Variants in HDAC9 observed in about 807,000 individuals in gnomAD.
HDAC9 encodes the protein MEF-2 interacting transcription repressor (MITR) protein.
In HDAC9, 41 loss-of-function variants were observed where a neutral mutation model predicts 139.4. The ratio of observed to expected loss-of-function variants is 0.29; its 90% CI spans 0.23 to 0.38. The LOEUF (loss-of-function observed/expected upper bound fraction) is 0.38. Among genes scored for constraint, HDAC9 ranks in the 10% least tolerant of loss-of-function variants. The pLI, the probability that HDAC9 is intolerant of heterozygous loss-of-function variation, is 1.00. For missense variants in HDAC9, 1,147 were observed against 1,297.0 expected, an observed-to-expected ratio of 0.88 and a Z score of 1.78; for synonymous variants, 517 against 476.2, an observed-to-expected ratio of 1.09 and a Z score of -1.12.
chr7:18,191,975 A>G (rs1050384554), intron 2 of HDAC9, among the ~76,000 whole-genome samples: 11 of 152,292 alleles, frequency 7.2e-5, no homozygotes, highest in Middle Eastern at 3.4e-3. Flanking sequence ...TGACGAGAAG[A>G]CATAAACAAG....
At chr7:18,586,243 G>GT (rs1333438828) in intron 3 of HDAC9, among the ~76,000 whole-genome samples, 5 of 151,832 alleles carry the variant, frequency 3.3e-5, no homozygotes, top group Admixed American at 3.3e-4. Context: ...AGATGTGTCT[G>GT]TTTTTTTAAA....
intron 6 of HDAC9, among the ~76,000 whole-genome samples, chr7:18,598,238 T>C (rs1833000244): frequency 6.6e-6 from 1 of 152,186 alleles, no homozygotes; most frequent in South Asian, 2.1e-4. Flanking sequence ...TAAAGATGGC[T>C]TAGGCTTATA....
At chr7:18,115,088 G>A (rs1394805540) in intron 1 of HDAC9, among the ~76,000 whole-genome samples, 3 of 152,086 alleles carry the variant, frequency 2.0e-5, no homozygotes, top group African/African-American at 4.8e-5. Context: ...TCAGGAGATC[G>A]AGACCATCGT....
At chr7:18,873,745 C>A (rs1799104762) in intron 21 of HDAC9, among the ~76,000 whole-genome samples, 2 of 152,030 alleles carry the variant, frequency 1.3e-5, no homozygotes, top group Admixed American at 1.3e-4. Flanking sequence ...TTTTATAAAG[C>A]CCAGTTGCAT....
chr7:18,884,845 C>G (rs1800009343), intron 22 of HDAC9, among the ~76,000 whole-genome samples: 1 of 152,154 alleles, frequency 6.6e-6, no homozygotes, highest in African/African-American at 2.4e-5. Context: ...ATCCCTGTTT[C>G]TCAATACACA....
intron 1 of HDAC9, among the ~76,000 whole-genome samples, chr7:18,434,312 C>T (rs1790969509): frequency 1.3e-5 from 2 of 152,142 alleles, no homozygotes; most frequent in Non-Finnish European, 2.9e-5. Context: ...TAGAAGAAAA[C>T]CTAGGAAATA....
chr7:18,451,368 CGTGT>C (rs71553928), intron 1 of HDAC9, among the ~76,000 whole-genome samples: 2,061 of 138,874 alleles, frequency 0.015, 45 homozygotes, highest in African/African-American at 0.052. Flanking sequence ...TGTATATGTG[CGTGT>C]GTGTGTGTGT....
At chr7:18,140,027 C>T (rs1303431659) in intron 1 of HDAC9, among the ~76,000 whole-genome samples, 1 of 152,146 alleles carries the variant, frequency 6.6e-6, no homozygotes, top group Non-Finnish European at 1.5e-5. Flanking sequence ...TTTGTTATGG[C>T]AGCCACAAGA....
At chr7:18,364,182 G>C (rs1462537662) in intron 1 of HDAC9, among the ~76,000 whole-genome samples, 1 of 152,074 alleles carries the variant, frequency 6.6e-6, no homozygotes, top group African/African-American at 2.4e-5. Context: ...TGTGAGGCAG[G>C]ATTGCTGAAG....
rs1191085473 is a variant in HDAC9, at chr7:18,666,489, G to T, written c.1731+13G>T. 5 of 1,603,890 alleles carry T rather than the reference G, an allele frequency of 3.1e-6. No homozygotes were observed. The highest frequency in any genetic ancestry group is 4.3e-6 in the Non-Finnish European group (5 of 1,174,356). ...TTTTATGCAACAGGTAATAGGCAAA[G>T]ATTTAGCTCCAGGATTTGTAATTAA... On this transcript the variant is annotated intron_variant, in intron 12 of 25. Transcript: ENST00000686413.
intron 2 of HDAC9, among the ~76,000 whole-genome samples, chr7:18,259,964 C>T (rs1194835020): frequency 1.3e-5 from 2 of 152,178 alleles, no homozygotes; most frequent in Non-Finnish European, 2.9e-5. Context: ...TCCCCCATAT[C>T]ATACTGATAT....
intron 16 of HDAC9, among the ~76,000 whole-genome samples, chr7:18,775,531 TG>T (rs1208429531): frequency 2.0e-5 from 3 of 152,078 alleles, no homozygotes; most frequent in Non-Finnish European, 4.4e-5. Context: ...AATTCTTTGC[TG>T]CTAAATAGAT....
rs71553928 is a variant in HDAC9, at chr7:18,451,368, CGTGTGTGTGT to C, written c.-41-44869_-41-44860del. 6.5e-5 allele frequency among the ~76,000 whole-genome samples: 9 copies of C among 138,796 alleles called. No individual in the cohort carries two copies. In the East Asian group the frequency reaches 8.5e-4, roughly 13 times the overall value. The allele number at this position is 138,796 out of a possible 152,430, so 91.1% of individuals were successfully genotyped here. A position where few individuals can be genotyped will look rare whatever the true frequency, so the allele number is the denominator to read the frequency against. On this transcript the variant is annotated intron_variant, in intron 1 of 3. Coordinates refer to the HDAC9 transcript ENST00000413509. ...ATGGACCAAGACACATGTATATGTG[CGTGTGTGTGT>C]GTGTGTGTGTGTGTGTGTGTGTGTA...
chr7:18,445,438 A>G (rs891347919), intron 1 of HDAC9, among the ~76,000 whole-genome samples: 12 of 152,316 alleles, frequency 7.9e-5, no homozygotes, highest in Admixed American at 5.2e-4. Context: ...TCTGCTCATT[A>G]AATAATATCC....
At chr7:18,265,955 T>G (rs1795968111) in intron 2 of HDAC9, among the ~76,000 whole-genome samples, 1 of 152,206 alleles carries the variant, frequency 6.6e-6, no homozygotes, top group Non-Finnish European at 1.5e-5. Flanking sequence ...AAGTAGTAGT[T>G]TTCTAAAGGT....
intron 21 of HDAC9, among the ~76,000 whole-genome samples, chr7:18,843,940 AG>A (rs1796747900): frequency 1.3e-5 from 2 of 152,160 alleles, no homozygotes; most frequent in South Asian, 4.1e-4. Context: ...ATTACATCTG[AG>A]ATGCAGAGCT....
At chr7:18,475,794 C>G (rs909440590) in intron 1 of HDAC9, among the ~76,000 whole-genome samples, 1 of 152,208 alleles carries the variant, frequency 6.6e-6, no homozygotes, top group Non-Finnish European at 1.5e-5. Flanking sequence ...CTGTAAATGT[C>G]AGTCATAAAC....
chr7:18,592,759 A>C (rs1831353948), intron 5 of HDAC9, among the ~76,000 whole-genome samples: 1 of 152,166 alleles, frequency 6.6e-6, no homozygotes, highest in Non-Finnish European at 1.5e-5. Context: ...GACATGAAAA[A>C]CAAATCTCTG....
At chr7:18,217,160 A>G (rs1388268435) in intron 2 of HDAC9, among the ~76,000 whole-genome samples, 1 of 152,094 alleles carries the variant, frequency 6.6e-6, no homozygotes, top group Non-Finnish European at 1.5e-5. Flanking sequence ...CTCAGCTGGG[A>G]TGATCTTTTA....
Sources: gnomAD v4.1 joint callset for allele counts (sites outside exome capture counted in the v4.1 genomes callset) on GRCh38, gnomAD v4.1.1 for gene constraint, MANE v1.5 for transcripts, NCBI Gene and HGNC (gene_info 2026-07-23, HGNC 2026-07-21) for gene names.